VCAN: variants seen among roughly 807,000 people sequenced by gnomAD.
VCAN encodes versican core protein.
VCAN carries 44 observed loss-of-function variants against 245.5 expected under a neutral mutation model. The observed-to-expected ratio is 0.18, with a 90% CI of 0.14 to 0.23. The LOEUF (loss-of-function observed/expected upper bound fraction) is 0.23. Ranked by LOEUF, VCAN falls within the 10% of genes least tolerant of loss-of-function variation. The pLI, the probability that VCAN is intolerant of heterozygous loss-of-function variation, is 1.00. For missense variants in VCAN, 3,793 were observed against 4,057.9 expected, an observed-to-expected ratio of 0.93 and a Z score of 1.77; for synonymous variants, 1,413 against 1,437.0, an observed-to-expected ratio of 0.98 and a Z score of 0.38.
At chr5:83,554,742 A>G (rs1044207101) in intron 11 of VCAN, among the ~76,000 whole-genome samples, 1 of 152,168 alleles carries the variant, frequency 6.6e-6, no homozygotes, top group Non-Finnish European at 1.5e-5. Context: ...TGATATTTTA[A>G]TGCTTCACAG....
intron 12 of VCAN, 84 bp from the exon 13 acceptor site, chr5:83,572,332 A>G (rs1398977956): frequency 1.2e-5 from 18 of 1,515,288 alleles, no homozygotes; most frequent in Non-Finnish European, 9.2e-7. Context: ...AGTCTATTCC[A>G]ATTAGATTGT....
chr5:83,534,479 C>A (rs1383421619), intron 7 of VCAN, among the ~76,000 whole-genome samples: 1 of 151,926 alleles, frequency 6.6e-6, no homozygotes. Flanking sequence ...AAAATCTTTT[C>A]TCTGTACTTA....
chr5:83,521,442 G>C lies in VCAN; in HGVS notation c.3136G>C (p.Val1046Leu), dbSNP rs1377024491. 6.2e-7 allele frequency: 1 copy of C among 1,614,132 alleles called. No individual in the cohort carries two copies. ...GAAAGAACAGACTGCAGAGAAACCA[G>C]TTCCTGCTCTCAGTTCTACAGCTTG... Reference protein sequence around the residue: ...PWKEQTAEKPVPALSSTAWTP... With the variant: ...PWKEQTAEKPLPALSSTAWTP... The change falls in exon 7 of 15, where the codon GTT becomes CTT. Residue 1046 changes from valine to leucine, a missense_variant. Val to Leu is a conservative substitution (Grantham distance 32). Coordinates refer to ENST00000265077, the MANE Select transcript of VCAN (RefSeq NM_004385.5).
chr5:83,573,621 G>A (rs1290898185), intron 13 of VCAN, among the ~76,000 whole-genome samples: 5 of 152,030 alleles, frequency 3.3e-5, no homozygotes, highest in African/African-American at 4.8e-5. Context: ...ACATGACAGC[G>A]TGCTTCATAA....
At chr5:83,563,835 A>G (rs1242623667) in intron 12 of VCAN, among the ~76,000 whole-genome samples, 3 of 152,102 alleles carry the variant, frequency 2.0e-5, no homozygotes, top group African/African-American at 2.4e-5. Flanking sequence ...ACTAACTGTG[A>G]CTCACGCTGC....
Position 83,537,581 on chromosome 5 carries a change from T to C in VCAN, c.4578T>C (p.Asp1526=), listed in dbSNP as rs1033166709. The C allele has an allele frequency of 6.2e-7, 1 of 1,613,788 alleles. No homozygotes were observed. The highest frequency in any genetic ancestry group is 8.5e-7 in the Non-Finnish European group (1 of 1,179,858). The change falls in exon 8 of 15, where the codon GAT becomes GAC. Residue 1526 remains aspartate, a synonymous_variant. Coordinates refer to ENST00000265077, the MANE Select transcript of VCAN (RefSeq NM_004385.5). The part of the protein sequence containing the change: ...KKGAESVTER[D]TEVGHQAHEH... ...GGGCAGAATCAGTCACAGAGAGAGA[T>C]ACTGAAGTTGGTCATCAGGCACATG...
chr5:83,541,274 T>A lies in VCAN; in HGVS notation c.8271T>A (p.Ala2757=). The change falls in exon 8 of 15, where the codon GCT becomes GCA. Residue 2757 remains alanine, a synonymous_variant. Coordinates refer to ENST00000265077, the MANE Select transcript of VCAN (RefSeq NM_004385.5). The part of the protein sequence containing the change: ...TQEEYEDKKH[A]GPSFQPEFSS... ...AGGAGTATGAAGACAAAAAACATGCTGGTCCTTCTTTTCAGCCAGAATTCT... is the reference window on the plus strand; with the variant it reads ...AGGAGTATGAAGACAAAAAACATGCAGGTCCTTCTTTTCAGCCAGAATTCT... 1 of 1,613,970 alleles carries A rather than the reference T, an allele frequency of 6.2e-7. No homozygotes were observed. Among genetic ancestry groups the A allele is most frequent in the Non-Finnish European group, 8.5e-7 (1 of 1,179,986 alleles).
At position 83,537,792 on chromosome 5, in the gene VCAN, G is replaced by A. The variant is rs1419050270; in HGVS notation, c.4789G>A (p.Glu1597Lys). 1.9e-6 allele frequency: 3 copies of A among 1,614,016 alleles called. No homozygotes were observed. The Admixed American group carries it at 5.0e-5, about 27-fold the overall frequency. The change falls in exon 8 of 15, where the codon GAG (glutamate) becomes AAG (lysine). Residue 1597 changes from glutamate (E) to lysine (K), a missense_variant. By Grantham distance (56) the Glu-to-Lys change is moderately conservative. Transcript: ENST00000265077. ...AAGTTCTGCATCAGCATATGTTTCA[G>A]AGGAAGAAGCAGTTACCCTAATAGG... is the stretch of plus-strand genomic sequence containing the variant. ...VPSSASAYVS[E>K]EEAVTLIGNP... is the part of the protein sequence containing the mutation.
chr5:83,530,962 G>C (rs1746497795), intron 7 of VCAN, among the ~76,000 whole-genome samples: 1 of 152,050 alleles, frequency 6.6e-6, no homozygotes, highest in South Asian at 2.1e-4. Flanking sequence ...TTTTGAGTGT[G>C]AATCAGGAGG....
intron 1 of VCAN, among the ~76,000 whole-genome samples, chr5:83,474,130 T>C (rs1450308318): frequency 2.6e-5 from 4 of 151,980 alleles, no homozygotes; most frequent in African/African-American, 7.3e-5. Context: ...CCCCAGGATA[T>C]TGCAAAAGAA....
At chr5:83,487,792 C>T (rs1196753056) in intron 2 of VCAN, among the ~76,000 whole-genome samples, 1 of 152,094 alleles carries the variant, frequency 6.6e-6, no homozygotes, top group African/African-American at 2.4e-5. Context: ...TACAGCACAG[C>T]TGTTTAGCAA....
intron 12 of VCAN, among the ~76,000 whole-genome samples, chr5:83,563,112 G>A (rs1456467012): frequency 6.6e-6 from 1 of 152,180 alleles, no homozygotes; most frequent in African/African-American, 2.4e-5. Context: ...GCATAGGGTA[G>A]TGACACCAAA....
At chr5:83,482,086 T>C (rs779712021) in intron 1 of VCAN, among the ~76,000 whole-genome samples, 3 of 152,220 alleles carry the variant, frequency 2.0e-5, no homozygotes, top group Admixed American at 6.5e-5. Flanking sequence ...TATAATCTCA[T>C]ATAAAATGAA....
At chr5:83,510,861 A>G (rs531680541) in intron 5 of VCAN, among the ~76,000 whole-genome samples, 21 of 152,246 alleles carry the variant, frequency 1.4e-4, no homozygotes, top group South Asian at 4.1e-4. Flanking sequence ...TCTTTAACCA[A>G]TCTCACCACT....
At position 83,521,020 on chromosome 5, in the gene VCAN, A is replaced by C; in HGVS notation, c.2714A>C (p.Lys905Thr). 1.2e-6 allele frequency: 2 copies of C among 1,613,690 alleles called. No individual in the cohort carries two copies. Among genetic ancestry groups the C allele is most frequent in the Non-Finnish European group, 1.7e-6 (2 of 1,179,872 alleles). ...TTGAGAGATTCTACAACTGAAGAAAAAGTTCCACCTATCACAAGCACTGAA... is the reference window on the plus strand; with the variant it reads ...TTGAGAGATTCTACAACTGAAGAAACAGTTCCACCTATCACAAGCACTGAA... ...STLRDSTTEE[K>T]VPPITSTEGQ... Residue 905 changes from lysine (K) to threonine (T), a missense_variant, in exon 7 of 15, where the codon AAA becomes ACA. Physicochemically the swap from Lys to Thr is moderately conservative, Grantham distance 78 (BLOSUM62 -1). Transcript: ENST00000265077.
intron 2 of VCAN, among the ~76,000 whole-genome samples, chr5:83,484,588 C>T (rs574424552): frequency 3.1e-4 from 47 of 152,292 alleles, no homozygotes; most frequent in African/African-American, 1.1e-3. Flanking sequence ...ACCCATTCAT[C>T]TGTTCACCCA....
chr5:83,517,884 A>G (rs527299697), intron 6 of VCAN, among the ~76,000 whole-genome samples: 61 of 152,320 alleles, frequency 4.0e-4, no homozygotes, highest in African/African-American at 1.4e-3. Context: ...GGGAATGACC[A>G]CAACTAATAA....
At chr5:83,544,518 A>G (rs1175912123) in intron 8 of VCAN, among the ~76,000 whole-genome samples, 1 of 152,158 alleles carries the variant, frequency 6.6e-6, no homozygotes, top group Non-Finnish European at 1.5e-5. Flanking sequence ...TTTCATGTGT[A>G]ATTATTTCAG....
At chr5:83,574,401 A>G (rs1275112779) in intron 13 of VCAN, among the ~76,000 whole-genome samples, 2 of 152,202 alleles carry the variant, frequency 1.3e-5, no homozygotes, top group Non-Finnish European at 2.9e-5. Context: ...CCGTATTTAA[A>G]TTTCCAAATA....
Sources: allele counts gnomAD v4.1 joint callset (sites outside exome capture counted in the v4.1 genomes callset), GRCh38; gene constraint gnomAD v4.1.1; transcripts MANE v1.5; gene names NCBI Gene and HGNC (gene_info 2026-07-23, HGNC 2026-07-21).